The following UGT2A2 variants were observed in gnomAD, a reference collection of about 807,000 sequenced individuals.
UGT2A2 encodes the protein UDP-glucuronosyltransferase 2A2.
In UGT2A2, 60 loss-of-function variants were observed where a neutral mutation model predicts 50.7. That is an observed-to-expected ratio of 1.18 (90% confidence interval 0.96 to 1.47). The LOEUF is 1.47. Ranked by LOEUF, UGT2A2 falls within the 40% of genes most tolerant of loss-of-function variation. UGT2A2 has a pLI of 0.00. For synonymous variants in UGT2A2, 242 were observed against 214.6 expected (o/e 1.13, Z -1.11); for missense variants, 762 against 634.0 (o/e 1.20, Z -2.17).
chr4:69,615,431 G>T (rs933098002), intron 1 of UGT2A2, among the ~76,000 whole-genome samples: 2 of 151,810 alleles, frequency 1.3e-5, no homozygotes, highest in African/African-American at 4.8e-5. Flanking sequence ...ACAAACTGAA[G>T]AAACAGTCTA....
chr4:69,597,305 G>A (rs1340441912), intron 2 of UGT2A2, among the ~76,000 whole-genome samples: 2 of 152,274 alleles, frequency 1.3e-5, no homozygotes, highest in South Asian at 4.1e-4. Flanking sequence ...TCTTCTTGAT[G>A]TATAAGCTGC....
At chr4:69,627,213 C>G (rs1188230303) in intron 1 of UGT2A2, among the ~76,000 whole-genome samples, 1 of 151,540 alleles carries the variant, frequency 6.6e-6, no homozygotes, top group African/African-American at 2.4e-5. Context: ...CAATGTTTAC[C>G]TATTTGATAA....
intron 1 of UGT2A2, among the ~76,000 whole-genome samples, chr4:69,624,399 T>A (rs10026603): frequency 0.35 from 53,093 of 151,100 alleles, 9,693 homozygotes; most frequent in African/African-American, 0.43. Flanking sequence ...TTGCTTTTTT[T>A]AAAAAAATCC....
At chr4:69,609,750 C>A (rs11249451) in intron 1 of UGT2A2, among the ~76,000 whole-genome samples, 21,791 of 151,980 alleles carry the variant, frequency 0.14, 1,754 homozygotes, top group Non-Finnish European at 0.18. Flanking sequence ...CCTGTAAATA[C>A]AATTGTTCTT....
chr4:69,624,797 C>A (rs1487158405), intron 1 of UGT2A2, among the ~76,000 whole-genome samples: 1 of 151,220 alleles, frequency 6.6e-6, no homozygotes, highest in East Asian at 1.9e-4. Flanking sequence ...CTGTAGTTAT[C>A]ATTTTGGTTT....
intron 5 of UGT2A2, among the ~76,000 whole-genome samples, chr4:69,591,353 G>C (rs1718588115): frequency 6.6e-6 from 1 of 152,144 alleles, no homozygotes; most frequent in African/African-American, 2.4e-5. Context: ...AACTTGAAGT[G>C]GGGGTGCATC....
chr4:69,599,602 A>G (rs755699120), intron 1 of UGT2A2: 3 of 574,234 alleles, frequency 5.2e-6, no homozygotes, highest in Non-Finnish European at 7.9e-6. Flanking sequence ...GAAGGAAGGA[A>G]GGGAGGAAGG....
chr4:69,590,223 T>C (rs933508284), intron 5 of UGT2A2, among the ~76,000 whole-genome samples: 1 of 152,188 alleles, frequency 6.6e-6, no homozygotes, highest in African/African-American at 2.4e-5. Flanking sequence ...ACTCTGGTGA[T>C]TTAAGAAGTG....
chr4:69,614,130 C>T (rs2109923034), intron 1 of UGT2A2, among the ~76,000 whole-genome samples: 1 of 116,394 alleles, frequency 8.6e-6, no homozygotes, highest in Non-Finnish European at 1.8e-5. Context: ...TTCAGTAGTT[C>T]CAGGACACAA....
Position 69,605,673 on chromosome 4 carries a change from T to G in UGT2A2, c.743-6279A>C, listed in dbSNP as rs868032971. ...AAGATCAACCAAACTGATAGACCAC[T>G]AGCAAGACTAATAAAGAAGAAAAGA... On this transcript the variant is annotated intron_variant, in intron 1 of 5. Coordinates refer to ENST00000604629, the MANE Select transcript of UGT2A2 (RefSeq NM_001105677.2). Among the ~76,000 whole-genome samples, 58 of 135,906 alleles carry G rather than the reference T, an allele frequency of 4.3e-4. 14 individuals carry two copies. Among genetic ancestry groups the G allele is most frequent in the African/African-American group, 1.7e-3 (57 of 33,408 alleles). The allele number at this position is 135,906 out of a possible 152,430, so 89.2% of individuals were successfully genotyped here.
At chr4:69,601,448 A>G (rs960637801) in intron 1 of UGT2A2, among the ~76,000 whole-genome samples, 4 of 152,116 alleles carry the variant, frequency 2.6e-5, no homozygotes, top group African/African-American at 9.7e-5. Context: ...TACCACTACA[A>G]TTGGAGCTCT....
rs143064060 is a variant in UGT2A2, at chr4:69,627,598, AAAAG to A, written c.742+11297_742+11300del. 2.1e-3 allele frequency among the ~76,000 whole-genome samples: 316 copies of A among 149,224 alleles called. 1 individual carries two copies. The highest frequency in any genetic ancestry group is 4.0e-3 in the African/African-American group (161 of 40,630). ...AGAGAGAAAGAAAAAAAGAAGAAAG[AAAAG>A]AAAGAAAGAAAGAGAAGAAAGAAAA... On this transcript the variant is annotated intron_variant, in intron 1 of 5. Coordinates refer to ENST00000604629, the MANE Select transcript of UGT2A2 (RefSeq NM_001105677.2).
At chr4:69,630,273 T>C (rs1351375116) in intron 1 of UGT2A2, among the ~76,000 whole-genome samples, 1 of 152,092 alleles carries the variant, frequency 6.6e-6, no homozygotes, top group Non-Finnish European at 1.5e-5. Context: ...TTTGACGTAG[T>C]TGGAGTGAGG....
intron 1 of UGT2A2, among the ~76,000 whole-genome samples, chr4:69,615,127 G>A (rs953530033): frequency 6.6e-6 from 1 of 151,984 alleles, no homozygotes; most frequent in Non-Finnish European, 1.5e-5. Flanking sequence ...AATTCAACAT[G>A]AGATTTGGAT....
chr4:69,634,369 T>TC (rs2109960852), intron 1 of UGT2A2, among the ~76,000 whole-genome samples: 1 of 151,972 alleles, frequency 6.6e-6, no homozygotes, highest in East Asian at 1.9e-4. Flanking sequence ...TAACAGAAAC[T>TC]CCAAGTTTTC....
At chr4:69,627,480 GC>G (rs1721131645) in intron 1 of UGT2A2, among the ~76,000 whole-genome samples, 2 of 147,514 alleles carry the variant, frequency 1.4e-5, no homozygotes, top group Non-Finnish European at 3.0e-5. Context: ...AGGCAGGCAG[GC>G]AGGCAGGCAT....
chr4:69,601,311 G>C (rs1038979562), intron 1 of UGT2A2, among the ~76,000 whole-genome samples: 1 of 152,144 alleles, frequency 6.6e-6, no homozygotes, highest in Non-Finnish European at 1.5e-5. Flanking sequence ...CCAGCCTCGT[G>C]TTCTTGCTCC....
At chr4:69,619,363 G>GT (rs1230378784) in intron 1 of UGT2A2, among the ~76,000 whole-genome samples, 45 of 151,870 alleles carry the variant, frequency 3.0e-4, no homozygotes, top group African/African-American at 1.1e-3. Context: ...CAGTGGCACT[G>GT]TACTTCAGCC....
At chr4:69,633,930 T>C (rs1322607153) in intron 1 of UGT2A2, among the ~76,000 whole-genome samples, 1 of 152,064 alleles carries the variant, frequency 6.6e-6, no homozygotes, top group Non-Finnish European at 1.5e-5. Context: ...GGATTTATGT[T>C]TTGCAGAAAG....
Sources: gnomAD v4.1 joint callset for allele counts (sites outside exome capture counted in the v4.1 genomes callset) on GRCh38, gnomAD v4.1.1 for gene constraint, MANE v1.5 for transcripts, NCBI Gene and HGNC (gene_info 2026-07-23, HGNC 2026-07-21) for gene names.